Variants in SLC35D4 observed in about 807,000 individuals in gnomAD.
SLC35D4 encodes UDP-N-acetylglucosamine transporter SLC35D4.
At chr18:23,295,836 A>G in the SLC35D4 span, among the ~76,000 whole-genome samples, 2 of 152,172 alleles carry the variant, frequency 1.3e-5, no homozygotes, top group African/African-American at 4.8e-5. Context: ...TGGATATTCA[A>G]CACTACAGGG....
chr18:23,425,792 A>C, the SLC35D4 span, among the ~76,000 whole-genome samples: 2 of 152,248 alleles, frequency 1.3e-5, no homozygotes, highest in Non-Finnish European at 2.9e-5. Flanking sequence ...AATCATATAC[A>C]GATTATTATA....
the SLC35D4 span, among the ~76,000 whole-genome samples, chr18:23,423,556 G>A: frequency 6.6e-6 from 1 of 152,180 alleles, no homozygotes; most frequent in Non-Finnish European, 1.5e-5. Flanking sequence ...AACTCAATAT[G>A]TCAGTGGCTG....
At chr18:23,313,864 T>C in the SLC35D4 span, among the ~76,000 whole-genome samples, 7,163 of 152,204 alleles carry the variant, frequency 0.047, 254 homozygotes, top group South Asian at 0.17. Context: ...CACACCAGTC[T>C]CCCTCTTTGT....
the SLC35D4 span, among the ~76,000 whole-genome samples, chr18:23,370,886 G>T: frequency 6.6e-6 from 1 of 152,108 alleles, no homozygotes; most frequent in Non-Finnish European, 1.5e-5. Flanking sequence ...CGAAAAAGAG[G>T]AAAGTATATT....
the SLC35D4 span, among the ~76,000 whole-genome samples, chr18:23,403,436 A>G: frequency 1.3e-5 from 2 of 152,226 alleles, no homozygotes; most frequent in Non-Finnish European, 2.9e-5. Flanking sequence ...TGGCTACAGG[A>G]GACAGGGTAG....
chr18:23,391,139 C>A, the SLC35D4 span, among the ~76,000 whole-genome samples: 1 of 151,656 alleles, frequency 6.6e-6, no homozygotes, highest in Non-Finnish European at 1.5e-5. Flanking sequence ...TGCAGGAGAA[C>A]CACTTGAAGG....
At chr18:23,315,048 C>T in the SLC35D4 span, among the ~76,000 whole-genome samples, 1 of 152,126 alleles carries the variant, frequency 6.6e-6, no homozygotes, top group Non-Finnish European at 1.5e-5. Context: ...AAGTAGGAAC[C>T]TGCCAGATTA....
chr18:23,380,783 T>C, the SLC35D4 span, among the ~76,000 whole-genome samples: 1 of 152,026 alleles, frequency 6.6e-6, no homozygotes, highest in East Asian at 1.9e-4. Flanking sequence ...TCAAACTGTG[T>C]GTGTGTGTGT....
At chr18:23,366,366 C>A in the SLC35D4 span, among the ~76,000 whole-genome samples, 2 of 152,264 alleles carry the variant, frequency 1.3e-5, no homozygotes, top group Admixed American at 1.3e-4. Flanking sequence ...CCTCTGCAAC[C>A]TCTTCTATCA....
the SLC35D4 span, among the ~76,000 whole-genome samples, chr18:23,419,915 A>G: frequency 6.6e-6 from 1 of 152,202 alleles, no homozygotes; most frequent in Non-Finnish European, 1.5e-5. Context: ...TCAGGGAAAA[A>G]AAGTTTATAT....
chr18:23,412,323 C>T, the SLC35D4 span, among the ~76,000 whole-genome samples: 2 of 152,112 alleles, frequency 1.3e-5, no homozygotes, highest in African/African-American at 2.4e-5. Flanking sequence ...TCTCAAAAAA[C>T]AAACAAACAA....
the SLC35D4 span, among the ~76,000 whole-genome samples, chr18:23,409,136 A>G: frequency 2.6e-5 from 4 of 152,112 alleles, no homozygotes; most frequent in African/African-American, 9.7e-5. Context: ...ACTCCATCTC[A>G]AAAAGGAAAA....
the SLC35D4 span, among the ~76,000 whole-genome samples, chr18:23,373,319 C>CAAAACA: frequency 1.3e-5 from 2 of 152,022 alleles, no homozygotes; most frequent in African/African-American, 4.8e-5. Context: ...TGTCTCAAAA[C>CAAAACA]AAAACAAAAA....
the SLC35D4 span, among the ~76,000 whole-genome samples, chr18:23,239,701 A>C: frequency 8.5e-5 from 13 of 152,368 alleles, no homozygotes; most frequent in South Asian, 2.7e-3. Context: ...TTCCTTACCC[A>C]GTAGAGAACT....
chr18:23,434,759 A>C, the SLC35D4 span, among the ~76,000 whole-genome samples: 1 of 152,060 alleles, frequency 6.6e-6, no homozygotes, highest in African/African-American at 2.4e-5. Flanking sequence ...GCACCACTGC[A>C]CTCCAGCCTG....
chr18:23,428,203 A>C, the SLC35D4 span, among the ~76,000 whole-genome samples: 2 of 74,518 alleles, frequency 2.7e-5, no homozygotes, highest in African/African-American at 9.4e-5. Context: ...TAAATTAATA[A>C]GAAAAACACT....
chr18:23,394,762 G>A, the SLC35D4 span, among the ~76,000 whole-genome samples: 3 of 151,780 alleles, frequency 2.0e-5, no homozygotes, highest in African/African-American at 4.8e-5. Context: ...ATCTGAGGTC[G>A]GGAGTTTGAG....
the SLC35D4 span, among the ~76,000 whole-genome samples, chr18:23,285,570 G>A: frequency 0.023 from 3,491 of 152,106 alleles, 60 homozygotes; most frequent in African/African-American, 0.042. Context: ...ACATCAGGCC[G>A]TCCCTAGTCT....
the SLC35D4 span, among the ~76,000 whole-genome samples, chr18:23,423,329 G>T: frequency 6.6e-6 from 1 of 152,222 alleles, no homozygotes; most frequent in African/African-American, 2.4e-5. Context: ...CACCAAATGT[G>T]GGTCCTGCCT....
Sources: allele counts gnomAD v4.1 joint callset (sites outside exome capture counted in the v4.1 genomes callset), GRCh38; gene constraint gnomAD v4.1.1; transcripts MANE v1.5; gene names NCBI Gene and HGNC (gene_info 2026-07-23, HGNC 2026-07-21).